NCAM2: variants seen among roughly 807,000 people sequenced by gnomAD.
The protein encoded by NCAM2 is N-CAM-2.
Under a neutral mutation model 98.1 loss-of-function variants are expected in NCAM2, and 30 were observed. That is an observed-to-expected ratio of 0.31 (90% confidence interval 0.23 to 0.41). NCAM2 has a LOEUF of 0.41. Among genes scored for constraint, NCAM2 ranks in the 10% least tolerant of loss-of-function variants. The pLI, the probability that NCAM2 is intolerant of heterozygous loss-of-function variation, is 1.00. For synonymous variants in NCAM2, 368 were observed against 342.4 expected (o/e 1.07, Z -0.83); for missense variants, 867 against 1,005.8 (o/e 0.86, Z 1.87).
At chr21:21,072,743 C>T (rs1289775600) in intron 1 of NCAM2, among the ~76,000 whole-genome samples, 1 of 151,990 alleles carries the variant, frequency 6.6e-6, no homozygotes, top group Non-Finnish European at 1.5e-5. Context: ...TTTTAGTATT[C>T]TGACTTCTAT....
intron 1 of NCAM2, among the ~76,000 whole-genome samples, chr21:21,078,970 G>A (rs1277982755): frequency 6.6e-6 from 1 of 152,146 alleles, no homozygotes; most frequent in African/African-American, 2.4e-5. Flanking sequence ...TCACTCATAA[G>A]TGGGAGTTGA....
At chr21:21,389,286 T>C (rs2076332313) in intron 9 of NCAM2, among the ~76,000 whole-genome samples, 1 of 152,116 alleles carries the variant, frequency 6.6e-6, no homozygotes, top group Non-Finnish European at 1.5e-5. Context: ...TCAGATGTTA[T>C]GAGACTTACT....
chr21:21,381,668 A>C (rs567232859), intron 9 of NCAM2, among the ~76,000 whole-genome samples: 1 of 152,252 alleles, frequency 6.6e-6, no homozygotes, highest in East Asian at 1.9e-4. Flanking sequence ...TTATCTAATT[A>C]TCTTTTTGAC....
chr21:21,179,338 T>C (rs1482769412), intron 1 of NCAM2, among the ~76,000 whole-genome samples: 1 of 152,186 alleles, frequency 6.6e-6, no homozygotes, highest in Non-Finnish European at 1.5e-5. Context: ...AGTCTACTTA[T>C]TTCTTATGCT....
At chr21:21,231,171 C>G (rs565208151) in intron 1 of NCAM2, among the ~76,000 whole-genome samples, 28 of 151,342 alleles carry the variant, frequency 1.9e-4, no homozygotes, top group Non-Finnish European at 3.7e-4. Flanking sequence ...ACCTAGTTGC[C>G]TAACTCTTGA....
chr21:21,055,405 A>G (rs555187250), intron 1 of NCAM2, among the ~76,000 whole-genome samples: 2 of 152,232 alleles, frequency 1.3e-5, no homozygotes, highest in Admixed American at 6.5e-5. Flanking sequence ...TATCCAGTAA[A>G]TAACAAACAG....
intron 15 of NCAM2, among the ~76,000 whole-genome samples, chr21:21,491,014 C>CT (rs956042136): frequency 6.6e-6 from 1 of 151,758 alleles, no homozygotes; most frequent in African/African-American, 2.4e-5. Context: ...CTGGTACAGC[C>CT]TTTTTTGTCC....
chr21:21,292,291 T>G (rs1466344339), intron 5 of NCAM2, 50 bp downstream of exon 5: 3 of 1,561,594 alleles, frequency 1.9e-6, no homozygotes, highest in Non-Finnish European at 2.6e-6. Flanking sequence ...TTTAGCAATG[T>G]TTTTTATTAA....
At chr21:21,107,407 A>G (rs542110144) in intron 1 of NCAM2, among the ~76,000 whole-genome samples, 5 of 152,226 alleles carry the variant, frequency 3.3e-5, no homozygotes, top group Admixed American at 1.3e-4. Flanking sequence ...GTTAATAGAC[A>G]TAGTCACACA....
chr21:21,265,518 C>CATATATAATATATGTGTGTATAT (rs2072231774), intron 1 of NCAM2, among the ~76,000 whole-genome samples: 1 of 68,928 alleles, frequency 1.5e-5, no homozygotes, highest in Admixed American at 1.5e-4. Flanking sequence ...TATATATACA[C>CATATATAATATATGTGTGTATAT]ATACACACAT....
chr21:21,356,489 T>G (rs1364470671), intron 8 of NCAM2, among the ~76,000 whole-genome samples: 1 of 152,104 alleles, frequency 6.6e-6, no homozygotes, highest in African/African-American at 2.4e-5. Flanking sequence ...TTACATTATA[T>G]TTTTTGTTTC....
intron 1 of NCAM2, among the ~76,000 whole-genome samples, chr21:21,068,198 G>C (rs1161033499): frequency 4.2e-5 from 6 of 142,064 alleles, no homozygotes; most frequent in Non-Finnish European, 9.0e-5. Flanking sequence ...GTACAGTGGC[G>C]CTTGGCTCAC....
At chr21:21,417,396 C>G (rs536318862) in intron 10 of NCAM2, among the ~76,000 whole-genome samples, 2 of 152,090 alleles carry the variant, frequency 1.3e-5, no homozygotes, top group South Asian at 4.1e-4. Flanking sequence ...GGACAGCTGA[C>G]TAGAAAACGA....
intron 4 of NCAM2, among the ~76,000 whole-genome samples, chr21:21,287,115 T>TTCATGTATA (rs2073130801): frequency 6.6e-6 from 1 of 152,030 alleles, no homozygotes. Context: ...ATAATTTGCT[T>TTCATGTATA]ACATTATGTT....
intron 1 of NCAM2, among the ~76,000 whole-genome samples, chr21:21,202,964 G>A (rs1244358263): frequency 2.0e-5 from 3 of 152,036 alleles, no homozygotes; most frequent in Non-Finnish European, 2.9e-5. Flanking sequence ...TTGCCACTGT[G>A]ACCATCACTA....
chr21:21,540,036 T>C lies in NCAM2; in HGVS notation c.*2079T>C, dbSNP rs1990168000. On this transcript the variant is annotated 3_prime_UTR_variant, in exon 18 of 18. Coordinates refer to ENST00000400546, the MANE Select transcript of NCAM2 (RefSeq NM_004540.5). ...AAGCAATAGCCATGAATGCTAATTA[T>C]TTCTAAATAGGGCCACATGGTTTTA... 6.6e-6 allele frequency: 1 copy of C among 152,132 alleles called. No homozygotes were observed. The highest frequency in any genetic ancestry group is 1.5e-5 in the Non-Finnish European group (1 of 68,018). 9.4% of individuals were successfully genotyped at this position (152,132 alleles called of 1,614,324 possible).
chr21:21,178,764 C>T (rs1403906855), intron 1 of NCAM2, among the ~76,000 whole-genome samples: 1 of 151,654 alleles, frequency 6.6e-6, no homozygotes, highest in Non-Finnish European at 1.5e-5. Context: ...ATCATAATTA[C>T]ATTTTTAAAA....
At chr21:21,160,957 T>C (rs977027179) in intron 1 of NCAM2, among the ~76,000 whole-genome samples, 1 of 152,048 alleles carries the variant, frequency 6.6e-6, no homozygotes, top group Non-Finnish European at 1.5e-5. Flanking sequence ...GTCTAAATTA[T>C]TGAGTTCAAA....
At chr21:21,207,266 A>G (rs1194151909) in intron 1 of NCAM2, among the ~76,000 whole-genome samples, 1 of 152,172 alleles carries the variant, frequency 6.6e-6, no homozygotes, top group Non-Finnish European at 1.5e-5. Flanking sequence ...TTTAATTTAA[A>G]GAGTGGGAAA....
Sources: gnomAD v4.1 joint callset for allele counts (sites outside exome capture counted in the v4.1 genomes callset) on GRCh38, gnomAD v4.1.1 for gene constraint, MANE v1.5 for transcripts, NCBI Gene and HGNC (gene_info 2026-07-23, HGNC 2026-07-21) for gene names.